The following MTRF1 variants were observed in gnomAD, a reference collection of about 807,000 sequenced individuals.
MTRF1 encodes the protein mitochondrial translation release factor 1, also known as peptide chain release factor 1, mitochondrial.
A neutral mutation model predicts 62.9 loss-of-function variants in MTRF1; 51 were observed. The observed-to-expected ratio is 0.81, with a 90% CI of 0.65 to 1.02. The LOEUF (loss-of-function observed/expected upper bound fraction) is 1.02. Among genes scored for constraint, MTRF1 ranks in the 50% least tolerant of loss-of-function variants. The pLI is 0.00. For missense variants in MTRF1, 446 were observed against 530.0 expected, an observed-to-expected ratio of 0.84 and a Z score of 1.56; for synonymous variants, 158 against 181.9, an observed-to-expected ratio of 0.87 and a Z score of 1.06.
At chr13:41,264,760 A>G (rs1157532965), upstream of MTRF1, among the ~76,000 whole-genome samples, 1 of 152,260 alleles carries the variant, frequency 6.6e-6, no homozygotes, top group East Asian at 1.9e-4. Context: ...TAACTACTCC[A>G]AGGTAAAAAA....
chr13:41,299,848 A>G, the MTRF1 span, among the ~76,000 whole-genome samples: 28 of 152,230 alleles, frequency 1.8e-4, no homozygotes, highest in Admixed American at 5.2e-4. Flanking sequence ...TCAGAGAAAA[A>G]GTGAAACTTA....
At chr13:41,230,729 T>TC in intron 7 of MTRF1, among the ~76,000 whole-genome samples, 1 of 151,128 alleles carries the variant, frequency 6.6e-6, no homozygotes, top group East Asian at 1.9e-4. Context: ...GGTTTCCCTT[T>TC]TTTTTTTTTT....
intron 7 of MTRF1, among the ~76,000 whole-genome samples, chr13:41,231,459 G>T (rs748759454): frequency 6.6e-6 from 1 of 152,200 alleles, no homozygotes; most frequent in African/African-American, 2.4e-5. Flanking sequence ...TATGGAGTAT[G>T]GGCGGGAAGA....
At chr13:41,252,143 G>A (rs1278138934) in intron 5 of MTRF1, 1 of 152,312 alleles carries the variant, frequency 6.6e-6, no homozygotes, top group Admixed American at 6.5e-5. Context: ...GCCTCCCAGA[G>A]TGCTGGGATT....
rs892696168 is a variant in MTRF1 at position 41,263,529 on chromosome 13, G to A, written c.-53C>T. On this transcript the variant is annotated 5_prime_UTR_variant, in exon 1 of 10. Coordinates refer to ENST00000379480, the MANE Select transcript of MTRF1 (RefSeq NM_004294.4). ...ACGTTAGCTCTCTTTACTGAGGTCGGAACCTTCCGAGACCCGCCACATTTC... is the reference window on the plus strand; with the variant it reads ...ACGTTAGCTCTCTTTACTGAGGTCGAAACCTTCCGAGACCCGCCACATTTC... 8.7e-6 allele frequency: 2 copies of A among 230,356 alleles called. No individual in the cohort carries two copies. The highest frequency in any genetic ancestry group is 1.2e-4 in the East Asian group (1 of 8,642). 14.3% of individuals were successfully genotyped at this position (230,356 alleles called of 1,614,324 possible). A position where few individuals can be genotyped will look rare whatever the true frequency, so the allele number is the denominator to read the frequency against.
the MTRF1 span, among the ~76,000 whole-genome samples, chr13:41,296,007 G>A: frequency 6.6e-6 from 1 of 152,162 alleles, no homozygotes; most frequent in African/African-American, 2.4e-5. Context: ...CTGGAGTCAA[G>A]TGGTACAATC....
At chr13:41,240,504 A>C in intron 5 of MTRF1, 71 bp from the exon 6 acceptor site, 1 of 1,438,468 alleles carries the variant, frequency 7.0e-7, no homozygotes, top group South Asian at 1.4e-5. Context: ...AAATGTCCTT[A>C]ATCTAAGGCC....
intron 8 of MTRF1, 138 bp from the exon 9 acceptor site, chr13:41,223,492 G>T: frequency 1.5e-6 from 1 of 653,844 alleles, no homozygotes; most frequent in East Asian, 2.7e-5. Flanking sequence ...CAAAGAAAAA[G>T]AATGGGCAGA....
intron 5 of MTRF1, among the ~76,000 whole-genome samples, chr13:41,244,972 TCTGA>T (rs889888433): frequency 6.6e-6 from 1 of 152,252 alleles, no homozygotes; most frequent in Admixed American, 6.5e-5. Flanking sequence ...TAGTATCTGC[TCTGA>T]CTTTTATCAT....
At chr13:41,308,800 G>A in the MTRF1 span, among the ~76,000 whole-genome samples, 1 of 152,132 alleles carries the variant, frequency 6.6e-6, no homozygotes, top group African/African-American at 2.4e-5. Flanking sequence ...TGGGGGTTTG[G>A]TGTACAGACA....
rs531327984 is a variant in MTRF1, at chr13:41,216,825, A to G, written c.*290T>C. 5.4e-6 allele frequency: 1 copy of G among 185,732 alleles called. No homozygotes were observed. The highest frequency in any genetic ancestry group is 2.3e-5 in the African/African-American group (1 of 42,968). 11.5% of individuals were successfully genotyped at this position (185,732 alleles called of 1,614,324 possible). On this transcript the variant is annotated 3_prime_UTR_variant, in exon 10 of 10. Coordinates refer to ENST00000379480, the MANE Select transcript of MTRF1 (RefSeq NM_004294.4). ...ATGGCTGGGGAAAAAAGGCATATAAAGAGAACAAGTGACTTGTCCTAAATG... is the reference window on the plus strand; with the variant it reads ...ATGGCTGGGGAAAAAAGGCATATAAGGAGAACAAGTGACTTGTCCTAAATG...
the MTRF1 span, among the ~76,000 whole-genome samples, chr13:41,272,891 A>G: frequency 5.9e-5 from 9 of 152,166 alleles, no homozygotes; most frequent in Non-Finnish European, 1.3e-4. Flanking sequence ...AGCAAAATAA[A>G]CTTTAGATCT....
Position 41,257,143 on chromosome 13 carries a change from A to G in MTRF1, c.416-2523T>C, listed in dbSNP as rs527912278. 6.6e-5 allele frequency among the ~76,000 whole-genome samples: 10 copies of G among 152,338 alleles called. No homozygotes were observed. In the South Asian group the frequency reaches 2.1e-3, roughly 32 times the overall value. On this transcript the variant is annotated intron_variant, in intron 2 of 9. Coordinates refer to ENST00000379480, the MANE Select transcript of MTRF1 (RefSeq NM_004294.4). ...AGCACGAATATATCCAGAGAATGGC[A>G]AGTTGTCTATTTTGGTTGGAAGGCA...
At chr13:41,249,187 G>A (rs1441592851) in intron 5 of MTRF1, among the ~76,000 whole-genome samples, 1 of 152,004 alleles carries the variant, frequency 6.6e-6, no homozygotes, top group East Asian at 1.9e-4. Flanking sequence ...TATAAGGTAG[G>A]TGCTTTTTGC....
the MTRF1 span, among the ~76,000 whole-genome samples, chr13:41,304,618 C>T: frequency 2.6e-5 from 4 of 152,150 alleles, no homozygotes; most frequent in Non-Finnish European, 5.9e-5. Context: ...TGCCAGAGAA[C>T]AAAGGGAGGG....
At chr13:41,255,834 G>C (rs990065356) in intron 2 of MTRF1, among the ~76,000 whole-genome samples, 2 of 152,270 alleles carry the variant, frequency 1.3e-5, no homozygotes, top group Non-Finnish European at 2.9e-5. Context: ...AGATAACAAT[G>C]ATCTAGTTAT....
At chr13:41,270,251 C>T in the MTRF1 span, among the ~76,000 whole-genome samples, 1 of 151,974 alleles carries the variant, frequency 6.6e-6, no homozygotes, top group Non-Finnish European at 1.5e-5. Context: ...TCTAACATTA[C>T]CAATAATTTT....
chr13:41,239,169 G>C (rs530551718), intron 6 of MTRF1, among the ~76,000 whole-genome samples: 1 of 152,038 alleles, frequency 6.6e-6, no homozygotes, highest in East Asian at 1.9e-4. Context: ...AGGAGGTTAA[G>C]GCAGGAGGAT....
At chr13:41,227,434 TAGCTGGGGTCC>T (rs774212440) in intron 7 of MTRF1, among the ~76,000 whole-genome samples, 10 of 152,218 alleles carry the variant, frequency 6.6e-5, no homozygotes, top group Non-Finnish European at 8.8e-5. Context: ...TAGTCTAAGT[TAGCTGGGGTCC>T]AGCTAATCAA....
Sources: allele counts gnomAD v4.1 joint callset (sites outside exome capture counted in the v4.1 genomes callset), GRCh38; gene constraint gnomAD v4.1.1; transcripts MANE v1.5; gene names NCBI Gene and HGNC (gene_info 2026-07-23, HGNC 2026-07-21).